HSD17B12: variants seen among roughly 807,000 people sequenced by gnomAD.
HSD17B12 encodes the protein very-long-chain 3-oxoacyl-CoA reductase.
In HSD17B12, 32 loss-of-function variants were observed where a neutral mutation model predicts 39.3. The ratio of observed to expected loss-of-function variants is 0.81; its 90% CI spans 0.61 to 1.09. The LOEUF is 1.09. Ranked by LOEUF, HSD17B12 falls within the 50% of genes least tolerant of loss-of-function variation. The probability of loss-of-function intolerance (pLI) is 0.00; values close to 1 mark genes in which losing one functional copy is unlikely to be tolerated. For missense variants in HSD17B12, 342 were observed against 382.9 expected, an observed-to-expected ratio of 0.89 and a Z score of 0.89; for synonymous variants, 150 against 146.7, an observed-to-expected ratio of 1.02 and a Z score of -0.16.
At position 43,856,160 on chromosome 11, in the gene HSD17B12, T is replaced by C. The variant is rs1951581630; in HGVS notation, c.*912T>C. 1 of 152,238 alleles carries C rather than the reference T, an allele frequency of 6.6e-6. No homozygotes were observed. Among genetic ancestry groups the C allele is most frequent in the Non-Finnish European group, 1.5e-5 (1 of 68,036 alleles). The allele number at this position is 152,238 out of a possible 1,614,324, so 9.4% of individuals were successfully genotyped here. ...GATACTCTACAGGTAGCTATTGATATAATTAGTTTTAATAAAACATGCTGC... is the reference window on the plus strand; with the variant it reads ...GATACTCTACAGGTAGCTATTGATACAATTAGTTTTAATAAAACATGCTGC... On this transcript the variant is annotated 3_prime_UTR_variant, in exon 11 of 11. Transcript: ENST00000278353.
At chr11:43,806,444 T>C (rs1951018743) in intron 4 of HSD17B12, 1 of 152,088 alleles carries the variant, frequency 6.6e-6, no homozygotes, top group African/African-American at 2.4e-5. Flanking sequence ...CCTAACAGTC[T>C]ATCAGCAGAT....
chr11:43,742,139 AT>A (rs34321708), intron 1 of HSD17B12, among the ~76,000 whole-genome samples: 1 of 123,508 alleles, frequency 8.1e-6, no homozygotes, highest in African/African-American at 3.0e-5. Flanking sequence ...ATATATATAT[AT>A]TTTTTTTTTT....
At chr11:43,602,283 C>T in the HSD17B12 span, among the ~76,000 whole-genome samples, 1 of 152,200 alleles carries the variant, frequency 6.6e-6, no homozygotes, top group Non-Finnish European at 1.5e-5. Context: ...AAAGTTTCTA[C>T]CCCACCCCAC....
At chr11:43,776,465 T>C (rs1950705225) in intron 3 of HSD17B12, among the ~76,000 whole-genome samples, 1 of 152,158 alleles carries the variant, frequency 6.6e-6, no homozygotes, top group African/African-American at 2.4e-5. Context: ...TGTTTTTTTC[T>C]TGTAAATTTG....
chr11:43,716,857 AG>A (rs1950128562), intron 1 of HSD17B12, among the ~76,000 whole-genome samples: 1 of 151,554 alleles, frequency 6.6e-6, no homozygotes, highest in African/African-American at 2.4e-5. Flanking sequence ...TGAAGGAGGC[AG>A]GGGAAAGGTG....
chr11:43,601,158 C>T, the HSD17B12 span, among the ~76,000 whole-genome samples: 1 of 151,258 alleles, frequency 6.6e-6, no homozygotes, highest in African/African-American at 2.4e-5. Context: ...GAGCTGCAAG[C>T]TGCTATTTAT....
chr11:43,656,301 A>G, the HSD17B12 span, among the ~76,000 whole-genome samples: 5 of 151,148 alleles, frequency 3.3e-5, no homozygotes, highest in South Asian at 1.0e-3. Flanking sequence ...TTTCTTCTTT[A>G]TTAGTCTTGC....
At chr11:43,850,949 T>A (rs1192901053) in intron 9 of HSD17B12, among the ~76,000 whole-genome samples, 1 of 152,090 alleles carries the variant, frequency 6.6e-6, no homozygotes, top group Non-Finnish European at 1.5e-5. Context: ...TAATCGCAGC[T>A]ACTCAGGAGG....
At chr11:43,612,025 T>G in the HSD17B12 span, among the ~76,000 whole-genome samples, 1 of 152,204 alleles carries the variant, frequency 6.6e-6, no homozygotes, top group African/African-American at 2.4e-5. Context: ...GGGATGAGTA[T>G]AGGTCTTTTA....
At position 43,777,185 on chromosome 11, in the gene HSD17B12, AT is replaced by A. The variant is rs1210655425; in HGVS notation, c.284-21133del. On this transcript the variant is annotated intron_variant, in intron 3 of 10. Coordinates refer to ENST00000278353, the MANE Select transcript of HSD17B12 (RefSeq NM_016142.3). ...GATGGGGATGGCATTGAATCTGTAA[AT>A]TGCCTTGGGCAGTATGGCCATTTTC... 7.2e-3 allele frequency among the ~76,000 whole-genome samples: 1,103 copies of A among 152,254 alleles called. 15 individuals carry two copies. Among genetic ancestry groups the A allele is most frequent in the African/African-American group, 0.025 (1,035 of 41,540 alleles).
chr11:43,667,550 T>C, the HSD17B12 span, among the ~76,000 whole-genome samples: 1 of 152,210 alleles, frequency 6.6e-6, no homozygotes, highest in East Asian at 1.9e-4. Context: ...GGATCGGGTA[T>C]CCTTTATCCA....
chr11:43,772,375 G>A (rs1456232637), intron 3 of HSD17B12, among the ~76,000 whole-genome samples: 2 of 152,180 alleles, frequency 1.3e-5, no homozygotes, highest in African/African-American at 4.8e-5. Flanking sequence ...CTCAGCAAAT[G>A]ATGAGTTAAA....
chr11:43,558,224 G>A, the HSD17B12 span, among the ~76,000 whole-genome samples: 4 of 152,066 alleles, frequency 2.6e-5, no homozygotes, highest in African/African-American at 9.7e-5. Context: ...GGTGGAGAGA[G>A]GGGGCTTTTG....
the HSD17B12 span, among the ~76,000 whole-genome samples, chr11:43,616,432 A>AAAAAAAAAAAAC: frequency 1.3e-5 from 2 of 150,942 alleles, no homozygotes; most frequent in Non-Finnish European, 3.0e-5. Context: ...AAACAAAAAA[A>AAAAAAAAAAAAC]AAACAAACAA....
chr11:43,640,481 G>A, the HSD17B12 span, among the ~76,000 whole-genome samples: 1 of 151,946 alleles, frequency 6.6e-6, no homozygotes, highest in Non-Finnish European at 1.5e-5. Context: ...GAGTATGTAG[G>A]GTTTTAAATA....
the HSD17B12 span, among the ~76,000 whole-genome samples, chr11:43,648,767 G>T: frequency 6.6e-6 from 1 of 152,012 alleles, no homozygotes. Flanking sequence ...TCACTCTGTT[G>T]CCCAGGCTGG....
Position 43,731,187 on chromosome 11 carries a change from G to A in HSD17B12, c.161-19724G>A, listed in dbSNP as rs867356342. Among the ~76,000 whole-genome samples the A allele has an allele frequency of 2.0e-5, 3 of 152,098 alleles. No homozygotes were observed. In the South Asian group the frequency reaches 6.2e-4, roughly 32 times the overall value. Reference sequence around the variant, plus strand: ...GATATTTGTATTTTTAGTTGAGACGGGGTTTCACCATGTTGACCAGGCTGG... The same window carrying A: ...GATATTTGTATTTTTAGTTGAGACGAGGTTTCACCATGTTGACCAGGCTGG... On this transcript the variant is annotated intron_variant, in intron 1 of 10. Transcript: ENST00000278353.
the HSD17B12 span, among the ~76,000 whole-genome samples, chr11:43,608,897 G>C: frequency 2.6e-5 from 4 of 152,064 alleles, no homozygotes; most frequent in Admixed American, 2.6e-4. Context: ...CTGAGGTTTA[G>C]AATCTCAAAA....
chr11:43,757,668 CAAAT>C (rs1296657465), intron 3 of HSD17B12, among the ~76,000 whole-genome samples: 1 of 80,406 alleles, frequency 1.2e-5, no homozygotes, highest in Non-Finnish European at 2.5e-5. Flanking sequence ...AAAAAAAAAA[CAAAT>C]AGGTAAAAAA....
Sources: allele counts gnomAD v4.1 joint callset (sites outside exome capture counted in the v4.1 genomes callset), GRCh38; gene constraint gnomAD v4.1.1; transcripts MANE v1.5; gene names NCBI Gene and HGNC (gene_info 2026-07-23, HGNC 2026-07-21).